Variants in AP1S1 observed in about 807,000 individuals in gnomAD.
The protein encoded by AP1S1 is AP-1 complex subunit sigma-1A.
AP1S1 carries 13 observed loss-of-function variants against 23.9 expected under a neutral mutation model. That is an observed-to-expected ratio of 0.54 (90% CI 0.35 to 0.86). AP1S1 has a LOEUF of 0.86. Ranked by LOEUF, AP1S1 falls within the 40% of genes least tolerant of loss-of-function variation. The pLI is 0.01. For missense variants in AP1S1, 119 were observed against 197.6 expected (o/e 0.60, Z 2.38); for synonymous variants, 84 against 77.7 (o/e 1.08, Z -0.43).
intron 2 of AP1S1, among the ~76,000 whole-genome samples, chr7:101,157,081 C>T (rs1189538841): frequency 1.3e-5 from 2 of 152,120 alleles, no homozygotes. Context: ...CTAACACACA[C>T]GCACACACAC....
intron 4 of AP1S1, 70 bp downstream of exon 4, chr7:101,159,266 C>G (rs1404923040): frequency 5.2e-6 from 8 of 1,543,910 alleles, no homozygotes; most frequent in Non-Finnish European, 6.1e-6. Flanking sequence ...CTCCCCTGGA[C>G]ACCCGGCCTG....
At chr7:101,159,427 G>A (rs1426953673) in intron 4 of AP1S1, 2 of 553,016 alleles carry the variant, frequency 3.6e-6, no homozygotes, top group Non-Finnish European at 6.2e-6. Flanking sequence ...TCCAAGCTCT[G>A]TCCTTCTCCC....
intron 1 of AP1S1, 130 bp downstream of exon 1, chr7:101,154,647 C>T: frequency 1.1e-6 from 1 of 952,034 alleles, no homozygotes; most frequent in Non-Finnish European, 1.3e-6. Context: ...TCCCTTGCCT[C>T]GGCGGGTGGG....
chr7:101,155,956 CGCAGTGGCTCAT>C lies in AP1S1; in HGVS notation c.4-635_4-624del, dbSNP rs142647041. Among the ~76,000 whole-genome samples, 1,340 of 152,208 alleles carry C rather than the reference CGCAGTGGCTCAT, an allele frequency of 8.8e-3. 16 individuals are homozygous for C. The highest frequency in any genetic ancestry group is 0.03 in the African/African-American group (1,251 of 41,540). The stretch of plus-strand genomic sequence containing the variant: ...ATAATAGTAATAACTAACGGCCGGG[CGCAGTGGCTCAT>C]GCCTTAATGCCAGCACTTTGGGAGG... On this transcript the variant is annotated intron_variant, in intron 1 of 4. Coordinates refer to ENST00000337619, the MANE Select transcript of AP1S1 (RefSeq NM_001283.5).
rs775777105 is a variant in AP1S1, at chr7:101,160,529, C to G, written c.440C>G (p.Ser147Trp). 6.2e-7 allele frequency: 1 copy of G among 1,611,968 alleles called. No homozygotes were observed. Residue 147 changes from serine (S) to tryptophan (W), a missense_variant, in exon 5 of 5, where the codon TCG becomes TGG. Transcript: ENST00000337619. Reference protein sequence around the residue: ...QADLLQEEDESPRSVLEEMGL... With the variant: ...QADLLQEEDEWPRSVLEEMGL... ...CTGTCTCTGCCTTAGGAGGATGAGT[C>G]GCCACGGAGTGTGCTGGAGGAGATG...
intron 1 of AP1S1, among the ~76,000 whole-genome samples, chr7:101,155,246 T>G (rs1796975302): frequency 6.6e-6 from 1 of 152,130 alleles, no homozygotes; most frequent in African/African-American, 2.4e-5. Context: ...TGAATTCTGA[T>G]TTTTCACTTA....
chr7:101,154,994 G>A (rs1277634585), intron 1 of AP1S1: 1 of 996,608 alleles, frequency 1.0e-6, no homozygotes, highest in African/African-American at 1.7e-5. Flanking sequence ...GCCCTACTGC[G>A]TTCGTGGCCG....
intron 3 of AP1S1, among the ~76,000 whole-genome samples, chr7:101,158,371 C>G (rs1288925735): frequency 6.6e-6 from 1 of 152,164 alleles, no homozygotes; most frequent in Non-Finnish European, 1.5e-5. Flanking sequence ...TGTTTCATGA[C>G]TTGTTTAGCT....
Position 101,160,612 on chromosome 7 carries a change from G to A in AP1S1, c.*46G>A, listed in dbSNP as rs536992949. 119 of 1,596,022 alleles carry A rather than the reference G, an allele frequency of 7.5e-5. 3 individuals are homozygous for A. The South Asian group carries it at 1.1e-3, about 15-fold the overall frequency. On this transcript the variant is annotated 3_prime_UTR_variant, in exon 5 of 5. Transcript: ENST00000337619. ...GGCGATGGGGTCCTGGCAGCGTGGC[G>A]GGAACGGCTGCTTCTCCTCTGCCCA...
chr7:101,156,845 C>CGGGCGCG, intron 2 of AP1S1, 73 bp downstream of exon 2: 1 of 1,358,286 alleles, frequency 7.4e-7, no homozygotes, highest in Non-Finnish European at 9.7e-7. Context: ...GAGAAATGGT[C>CGGGCGCG]GTCCTGTAGG....
At chr7:101,154,631 G>A (rs756446683) in intron 1 of AP1S1, 114 bp downstream of exon 1, 49 of 1,413,934 alleles carry the variant, frequency 3.5e-5, no homozygotes, top group Middle Eastern at 2.4e-4. Flanking sequence ...CTGGTCCTCA[G>A]AGGCCTCCCT....
chr7:101,159,306 C>G (rs998232840), intron 4 of AP1S1, 110 bp downstream of exon 4: 4 of 1,469,126 alleles, frequency 2.7e-6, no homozygotes, highest in African/African-American at 1.4e-5. Context: ...GGAGCCCCCC[C>G]TCCCTGTGGT....
chr7:101,156,223 C>G (rs1796989057), intron 1 of AP1S1, among the ~76,000 whole-genome samples: 1 of 152,146 alleles, frequency 6.6e-6, no homozygotes, highest in South Asian at 2.1e-4. Flanking sequence ...CAGAGAGAGA[C>G]TCTGTCTCAA....
At chr7:101,158,932 A>C (rs1797039379) in intron 3 of AP1S1, 127 bp from the exon 4 acceptor site, 1 of 1,293,222 alleles carries the variant, frequency 7.7e-7, no homozygotes, top group Admixed American at 2.6e-5. Context: ...AAAAAAACTG[A>C]AAAAGCTGAC....
chr7:101,157,354 GTC>G (rs769840300), intron 2 of AP1S1, 21 bp from the exon 3 acceptor site: 8 of 1,532,032 alleles, frequency 5.2e-6, no homozygotes, highest in South Asian at 1.2e-5. Flanking sequence ...TTGTAGCGAT[GTC>G]TCATGCGCTC....
At position 101,159,437 on chromosome 7, in the gene AP1S1, C is replaced by T. The variant is rs749894940; in HGVS notation, c.429+241C>T. On this transcript the variant is annotated intron_variant, in intron 4 of 4. Transcript: ENST00000337619. The stretch of plus-strand genomic sequence containing the variant: ...CTCATTCCAAGCTCTGTCCTTCTCC[C>T]AAGCCCCCAGATGTCTCGTGGCCAC... 2.4e-5 allele frequency: 13 copies of T among 533,100 alleles called. No individual in the cohort carries two copies. The African/African-American group carries it at 2.5e-4, about 10-fold the overall frequency. The allele number at this position is 533,100 out of a possible 1,614,324, so 33.0% of individuals were successfully genotyped here.
intron 1 of AP1S1, 52 bp downstream of exon 1, chr7:101,154,569 C>A: frequency 1.9e-6 from 3 of 1,544,988 alleles, no homozygotes; most frequent in South Asian, 1.2e-5. Context: ...GTGGGCTGCA[C>A]CTGCGGGGGT....
Position 101,155,001 on chromosome 7 carries a change from G to C in AP1S1, c.3+484G>C, listed in dbSNP as rs114318980. ...AAGGGAGCGCCCTACTGCGTTCGTG[G>C]CCGTGCTTGCCTAGAGGCTGGGCCC... On this transcript the variant is annotated intron_variant, in intron 1 of 4. Transcript: ENST00000337619. 6.2e-3 allele frequency: 6,123 copies of C among 994,790 alleles called. 265 individuals are homozygous for C. In the African/African-American group the frequency reaches 0.093, roughly 15 times the overall value. The allele number at this position is 994,790 out of a possible 1,614,324, so 61.6% of individuals were successfully genotyped here.
intron 3 of AP1S1, among the ~76,000 whole-genome samples, chr7:101,158,551 G>A (rs1191764592): frequency 3.9e-5 from 6 of 152,152 alleles, no homozygotes; most frequent in Non-Finnish European, 1.5e-5. Flanking sequence ...GACAAAGGTA[G>A]ATAAGGCAAC....
Sources: allele counts gnomAD v4.1 joint callset (sites outside exome capture counted in the v4.1 genomes callset), GRCh38; gene constraint gnomAD v4.1.1; transcripts MANE v1.5; gene names NCBI Gene and HGNC (gene_info 2026-07-23, HGNC 2026-07-21).